TRPM3: variants seen among roughly 807,000 people sequenced by gnomAD.
The protein encoded by TRPM3 is long transient receptor potential channel 3.
In TRPM3, 77 loss-of-function variants were observed where a neutral mutation model predicts 181.2. The observed-to-expected ratio is 0.42, with a 90% CI of 0.35 to 0.51. The LOEUF (loss-of-function observed/expected upper bound fraction) is 0.51, where lower values mean the gene tolerates loss of function less well. Among genes scored for constraint, TRPM3 ranks in the 20% least tolerant of loss-of-function variants. The probability of loss-of-function intolerance (pLI) is 0.01; values close to 1 mark genes in which losing one functional copy is unlikely to be tolerated. For synonymous variants in TRPM3, 745 were observed against 796.4 expected (o/e 0.94, Z 1.09); for missense variants, 1,759 against 2,196.7 (o/e 0.80, Z 3.98).
At chr9:71,128,133 T>G (rs1587526602) in intron 1 of TRPM3, among the ~76,000 whole-genome samples, 1 of 152,322 alleles carries the variant, frequency 6.6e-6, no homozygotes, top group African/African-American at 2.4e-5. Flanking sequence ...GAGACCCACC[T>G]CTGACTCTCC....
rs1033705942 is a variant in TRPM3 at position 70,536,499 on chromosome 9, G to A, written c.4614C>T (p.Ser1538=). Residue 1538 remains serine (S), a synonymous_variant, in exon 26 of 26, where the codon TCC becomes TCT. Coordinates refer to ENST00000677713, the MANE Select transcript of TRPM3 (RefSeq NM_001366145.2). ...AGTTGGCATAATAGCTCCTTGAGGG[G>A]GAAAACATAAAGCTATGAGATTTCA... ...PIVKSHSFMF[S]PSRSYYANFG... 6.2e-7 allele frequency: 1 copy of A among 1,614,134 alleles called. No homozygotes were observed. Among genetic ancestry groups the A allele is most frequent in the Non-Finnish European group, 8.5e-7 (1 of 1,180,024 alleles).
chr9:71,242,891 C>T (rs1168124540), intron 1 of TRPM3, among the ~76,000 whole-genome samples: 1 of 152,116 alleles, frequency 6.6e-6, no homozygotes, highest in Non-Finnish European at 1.5e-5. Flanking sequence ...AAAATGCATG[C>T]TGCTTATCCA....
At chr9:71,310,796 C>T (rs2087853654) in intron 1 of TRPM3, among the ~76,000 whole-genome samples, 1 of 152,076 alleles carries the variant, frequency 6.6e-6, no homozygotes, top group Non-Finnish European at 1.5e-5. Context: ...CTGAGTAACA[C>T]ACTTTACCAA....
chr9:71,308,617 A>G (rs972302209), intron 1 of TRPM3, among the ~76,000 whole-genome samples: 4 of 152,162 alleles, frequency 2.6e-5, no homozygotes, highest in African/African-American at 9.6e-5. Flanking sequence ...TCTGACTCAG[A>G]AGGAAAATTA....
At chr9:70,654,496 A>T (rs187881221) in intron 9 of TRPM3, among the ~76,000 whole-genome samples, 131 of 152,218 alleles carry the variant, frequency 8.6e-4, no homozygotes, top group African/African-American at 3.1e-3. Flanking sequence ...AAACTGAGAC[A>T]TATAAGAGGG....
chr9:71,349,580 G>T (rs559553533), intron 1 of TRPM3, among the ~76,000 whole-genome samples: 1 of 152,192 alleles, frequency 6.6e-6, no homozygotes, highest in African/African-American at 2.4e-5. Flanking sequence ...AACGGTGTAC[G>T]TTTGCCAAAA....
At chr9:70,846,063 A>G (rs1457424856) in intron 4 of TRPM3, among the ~76,000 whole-genome samples, 1 of 152,238 alleles carries the variant, frequency 6.6e-6, no homozygotes, top group African/African-American at 2.4e-5. Flanking sequence ...AGCAGAAGTC[A>G]TTCCCTAAAG....
At chr9:70,963,373 C>T (rs910581507) in intron 1 of TRPM3, among the ~76,000 whole-genome samples, 5 of 152,164 alleles carry the variant, frequency 3.3e-5, no homozygotes, top group African/African-American at 1.2e-4. Flanking sequence ...CCAAACAATA[C>T]ATACCATTTT....
At chr9:71,359,836 C>T (rs906576390) in intron 1 of TRPM3, among the ~76,000 whole-genome samples, 4 of 151,872 alleles carry the variant, frequency 2.6e-5, no homozygotes, top group South Asian at 2.1e-4. Context: ...CAATAAAATG[C>T]GAATAATGAG....
At chr9:70,539,420 CT>C (rs1439705227) in intron 25 of TRPM3, among the ~76,000 whole-genome samples, 5 of 151,986 alleles carry the variant, frequency 3.3e-5, no homozygotes, top group Non-Finnish European at 2.9e-5. Context: ...TATCTTTCAG[CT>C]TCCCTTCACC....
chr9:70,915,243 G>A (rs971643323), intron 1 of TRPM3, among the ~76,000 whole-genome samples: 4 of 152,090 alleles, frequency 2.6e-5, no homozygotes, highest in Non-Finnish European at 5.9e-5. Flanking sequence ...CAAAGAGATT[G>A]AAATAATTTT....
chr9:70,987,704 GACTAGGAGTTTCC>G (rs2097435243), intron 1 of TRPM3, among the ~76,000 whole-genome samples: 1 of 152,020 alleles, frequency 6.6e-6, no homozygotes, highest in Non-Finnish European at 1.5e-5. Flanking sequence ...GTAATCGATT[GACTAGGAGTTTCC>G]ATTAAGTAGT....
At chr9:70,774,294 G>T (rs1411954613) in intron 7 of TRPM3, 2 of 153,018 alleles carry the variant, frequency 1.3e-5, no homozygotes, top group South Asian at 2.0e-4. Flanking sequence ...CAATGATGAA[G>T]ACCTTTATGA....
In TRPM3 at chr9:71,134,002, TGTGTGTGTGTGTGCGC is replaced by T. The variant is rs1234086830; in HGVS notation, c.184-269507_184-269492del. ...GTGTGTGTGTGTGTGTGTGTGTGTG[TGTGTGTGTGTGTGCGC>T]GTGCGCGCGCGCGCGTGTCTGTGTT... On this transcript the variant is annotated intron_variant, in intron 1 of 24. Coordinates refer to the TRPM3 transcript ENST00000357533. Among the ~76,000 whole-genome samples, 177 of 86,262 alleles carry T rather than the reference TGTGTGTGTGTGTGCGC, an allele frequency of 2.1e-3. 3 individuals are homozygous for T. Among genetic ancestry groups the T allele is most frequent in the African/African-American group, 6.1e-3 (149 of 24,300 alleles). The allele number at this position is 86,262 out of a possible 152,430, so 56.6% of individuals were successfully genotyped here.
chr9:71,168,816 T>C (rs1244458930), intron 1 of TRPM3, among the ~76,000 whole-genome samples: 2 of 151,840 alleles, frequency 1.3e-5, no homozygotes. Context: ...TGAGTGAGGA[T>C]ACCTGGGTAA....
chr9:71,100,650 T>C (rs950826408), intron 1 of TRPM3, among the ~76,000 whole-genome samples: 1 of 151,924 alleles, frequency 6.6e-6, no homozygotes, highest in Admixed American at 6.6e-5. Flanking sequence ...AGCATAAGAG[T>C]CTCCACTTCC....
chr9:71,318,120 A>C (rs531122946), intron 1 of TRPM3, among the ~76,000 whole-genome samples: 1 of 152,170 alleles, frequency 6.6e-6, no homozygotes, highest in Non-Finnish European at 1.5e-5. Flanking sequence ...TGGGGAAAAA[A>C]ATAAAGCTTT....
At chr9:71,100,958 T>A (rs1175209015) in intron 1 of TRPM3, among the ~76,000 whole-genome samples, 2 of 152,270 alleles carry the variant, frequency 1.3e-5, no homozygotes, top group African/African-American at 4.8e-5. Flanking sequence ...GACTTATTCT[T>A]TCTTCTTCCC....
chr9:70,611,006 T>C (rs1054222239), intron 18 of TRPM3, among the ~76,000 whole-genome samples: 14 of 152,142 alleles, frequency 9.2e-5, no homozygotes, highest in Admixed American at 3.3e-4. Flanking sequence ...TTCTAGAAGA[T>C]GTGGGTTATA....
Sources: allele counts gnomAD v4.1 joint callset (sites outside exome capture counted in the v4.1 genomes callset), GRCh38; gene constraint gnomAD v4.1.1; transcripts MANE v1.5; gene names NCBI Gene and HGNC (gene_info 2026-07-23, HGNC 2026-07-21).